CLPB: variants seen among roughly 807,000 people sequenced by gnomAD.
CLPB encodes mitochondrial disaggregase.
Under a neutral mutation model 78.4 loss-of-function variants are expected in CLPB, and 40 were observed. That is an observed-to-expected ratio of 0.51 (90% CI 0.40 to 0.66). The LOEUF is 0.66. CLPB is among the 30% of genes least tolerant of loss of function. CLPB has a pLI of 0.00. For synonymous variants in CLPB, 333 were observed against 348.0 expected, an observed-to-expected ratio of 0.96 and a Z score of 0.48; for missense variants, 780 against 886.9, an observed-to-expected ratio of 0.88 and a Z score of 1.53.
At chr11:72,392,648 G>A (rs780961361) in intron 3 of CLPB, among the ~76,000 whole-genome samples, 17 of 152,134 alleles carry the variant, frequency 1.1e-4, no homozygotes, top group Non-Finnish European at 2.1e-4. Flanking sequence ...TAAAGCAGCC[G>A]CAGTGTGTTA....
intron 8 of CLPB, among the ~76,000 whole-genome samples, chr11:72,308,114 C>T (rs914335818): frequency 2.0e-5 from 3 of 152,212 alleles, no homozygotes; most frequent in African/African-American, 7.2e-5. Flanking sequence ...ATCCACCTGG[C>T]ACCATGGTGG....
intron 3 of CLPB, among the ~76,000 whole-genome samples, chr11:72,389,340 C>T (rs1454980295): frequency 5.3e-5 from 8 of 152,220 alleles, no homozygotes; most frequent in Non-Finnish European, 8.8e-5. Context: ...GTAGGCACTG[C>T]TACTGGAGCT....
At chr11:72,410,262 GTTAC>G in intron 2 of CLPB, among the ~76,000 whole-genome samples, 1 of 152,212 alleles carries the variant, frequency 6.6e-6, no homozygotes, top group Middle Eastern at 3.4e-3. Context: ...TCCAGGCTCT[GTTAC>G]TTACTAAGTG....
rs903453447 is a variant in CLPB at position 72,292,900 on chromosome 11, C to G, written c.*467G>C. 2 of 157,700 alleles carry G rather than the reference C, an allele frequency of 1.3e-5. No homozygotes were observed. Among genetic ancestry groups the G allele is most frequent in the African/African-American group, 4.8e-5 (2 of 41,486 alleles). 9.8% of individuals were successfully genotyped at this position (157,700 alleles called of 1,614,324 possible). A position where few individuals can be genotyped will look rare whatever the true frequency, so the allele number is the denominator to read the frequency against. On this transcript the variant is annotated 3_prime_UTR_variant, in exon 16 of 16. Coordinates refer to ENST00000538039, the MANE Select transcript of CLPB (RefSeq NM_001258392.3). ...CTGCACCTGGGCCTCTGAGCTCTTC[C>G]TCCACTCCCAGTGGAGCCATTCTGG... is the stretch of plus-strand genomic sequence containing the variant.
intron 2 of CLPB, among the ~76,000 whole-genome samples, chr11:72,416,120 G>A (rs1856014464): frequency 6.6e-6 from 1 of 152,220 alleles, no homozygotes; most frequent in African/African-American, 2.4e-5. Context: ...CAAGTGCTAT[G>A]CCAGGTGCTT....
At chr11:72,328,392 CTGA>C (rs1177791524) in intron 6 of CLPB, among the ~76,000 whole-genome samples, 1 of 152,236 alleles carries the variant, frequency 6.6e-6, no homozygotes, top group Non-Finnish European at 1.5e-5. Context: ...CTTATCCTGA[CTGA>C]TCCATAGACA....
At position 72,290,820 on chromosome 11, in the gene CLPB, T is replaced by G. The variant is rs1427755071; in HGVS notation, c.*2547A>C. ...TTAGCTGGGTGTGGTGGTGGGCACC[T>G]GCAATCCCAGCTACTCAGGAGGCTG... On this transcript the variant is annotated 3_prime_UTR_variant, in exon 16 of 16. Coordinates refer to ENST00000538039, the MANE Select transcript of CLPB (RefSeq NM_001258392.3). 6.6e-6 allele frequency: 1 copy of G among 152,042 alleles called. No homozygotes were observed. The highest frequency in any genetic ancestry group is 2.4e-5 in the African/African-American group (1 of 41,368). 9.4% of individuals were successfully genotyped at this position (152,042 alleles called of 1,614,324 possible).
At chr11:72,301,739 G>A in intron 11 of CLPB, 64 bp downstream of exon 11, 2 of 1,542,496 alleles carry the variant, frequency 1.3e-6, no homozygotes, top group Non-Finnish European at 1.8e-6. Context: ...CTTGCTTTCT[G>A]CTGTTCACAG....
chr11:72,367,712 ATAT>A (rs1950970771), intron 4 of CLPB, among the ~76,000 whole-genome samples: 1 of 152,132 alleles, frequency 6.6e-6, no homozygotes. Flanking sequence ...GCATCATGCA[ATAT>A]ACCCAGGTAA....
At chr11:72,359,599 AAAGC>A (rs1353317481) in intron 4 of CLPB, among the ~76,000 whole-genome samples, 2 of 152,244 alleles carry the variant, frequency 1.3e-5, no homozygotes, top group Non-Finnish European at 2.9e-5. Flanking sequence ...AAAATTTATA[AAAGC>A]AATTAAATTT....
intron 2 of CLPB, among the ~76,000 whole-genome samples, chr11:72,419,071 G>A (rs1856111198): frequency 1.3e-5 from 2 of 152,086 alleles, no homozygotes; most frequent in Admixed American, 1.3e-4. Context: ...ACACAGAACA[G>A]GAAGTACAAG....
At position 72,424,980 on chromosome 11, in the gene CLPB, G is replaced by A. The variant is rs538686919; in HGVS notation, c.455+5332C>T. On this transcript the variant is annotated intron_variant, in intron 2 of 15. Transcript: ENST00000538039. ...AATTCCAGCTACTCGGGAAGCTGAC[G>A]TATGAATATCACTTGAACTCAAGAG... Among the ~76,000 whole-genome samples, 77 of 152,270 alleles carry A rather than the reference G, an allele frequency of 5.1e-4. No homozygotes were observed. In the South Asian group the frequency reaches 0.015, roughly 30 times the overall value.
intron 5 of CLPB, among the ~76,000 whole-genome samples, chr11:72,345,589 A>G (rs1347174144): frequency 6.6e-6 from 1 of 152,232 alleles, no homozygotes; most frequent in Non-Finnish European, 1.5e-5. Context: ...AAAGGGATAC[A>G]GGAGGGAGGT....
rs200471243 is a variant in CLPB at position 72,293,442 on chromosome 11, G to A, written c.1959C>T (p.Ile653=). ...KRLPKLRLEI[I]DKDSKTRRLD... is the part of the protein sequence containing the mutation. Reference sequence around the variant, plus strand: ...GTCTGCGAGTCTTGCTGTCCTTGTCGATGATCTCCAGACGCAGCTTGGGGA... The same window carrying A: ...GTCTGCGAGTCTTGCTGTCCTTGTCAATGATCTCCAGACGCAGCTTGGGGA... Residue 653 remains isoleucine (I), a synonymous_variant, in exon 16 of 16, where the codon ATC becomes ATT. Transcript: ENST00000538039. The A allele has an allele frequency of 7.4e-6, 12 of 1,614,040 alleles. No individual in the cohort carries two copies. The Admixed American group carries it at 1.2e-4, about 16-fold the overall frequency.
At chr11:72,356,385 A>C (rs1950715657) in intron 5 of CLPB, among the ~76,000 whole-genome samples, 1 of 152,058 alleles carries the variant, frequency 6.6e-6, no homozygotes, top group South Asian at 2.1e-4. Flanking sequence ...GACTCTGGAA[A>C]TATTACTGGC....
At chr11:72,364,661 G>C (rs904536031) in intron 4 of CLPB, among the ~76,000 whole-genome samples, 1 of 152,036 alleles carries the variant, frequency 6.6e-6, no homozygotes, top group South Asian at 2.1e-4. Flanking sequence ...ACTGCACCCA[G>C]CCTTCAAACA....
rs763391215 is a variant in CLPB, at chr11:72,425,480, C to T, written c.455+4832G>A. On this transcript the variant is annotated intron_variant, in intron 2 of 15. Transcript: ENST00000538039. Reference sequence around the variant, plus strand: ...TAATTTGTTCCTTGTTTCACTGGCTCTCAATGTTTGACTCATGTCCTTCTT... The same window carrying T: ...TAATTTGTTCCTTGTTTCACTGGCTTTCAATGTTTGACTCATGTCCTTCTT... 4.3e-4 allele frequency among the ~76,000 whole-genome samples: 66 copies of T among 152,304 alleles called. 2 individuals are homozygous for T. The highest frequency in any genetic ancestry group is 8.8e-4 in the Non-Finnish European group (60 of 68,032).
chr11:72,314,993 C>G (rs998982763), intron 7 of CLPB, among the ~76,000 whole-genome samples: 7 of 152,130 alleles, frequency 4.6e-5, no homozygotes, highest in African/African-American at 1.4e-4. Flanking sequence ...CTGGTGAGAA[C>G]TGATTCTAGG....
chr11:72,350,468 A>G (rs1950594488), intron 5 of CLPB, among the ~76,000 whole-genome samples: 1 of 152,210 alleles, frequency 6.6e-6, no homozygotes, highest in Admixed American at 6.5e-5. Flanking sequence ...CCTTAATAAT[A>G]CTTTTATTAT....
Sources: allele counts gnomAD v4.1 joint callset (sites outside exome capture counted in the v4.1 genomes callset), GRCh38; gene constraint gnomAD v4.1.1; transcripts MANE v1.5; gene names NCBI Gene and HGNC (gene_info 2026-07-23, HGNC 2026-07-21).